CMTM7: variants seen among roughly 807,000 people sequenced by gnomAD.
CMTM7 encodes CKLF-like MARVEL transmembrane domain-containing protein 7.
CMTM7 carries 7 observed loss-of-function variants against 19.3 expected under a neutral mutation model. That is an observed-to-expected ratio of 0.36 (90% confidence interval 0.21 to 0.68). The LOEUF (loss-of-function observed/expected upper bound fraction) is 0.68, where lower values mean the gene tolerates loss of function less well. Ranked by LOEUF, CMTM7 falls within the 30% of genes least tolerant of loss-of-function variation. The pLI is 0.60. For missense variants in CMTM7, 193 were observed against 232.6 expected (o/e 0.83, Z 1.11); for synonymous variants, 87 against 99.3 (o/e 0.88, Z 0.74).
chr3:32,403,379 C>G (rs1188245937), intron 1 of CMTM7, among the ~76,000 whole-genome samples: 1 of 152,100 alleles, frequency 6.6e-6, no homozygotes, highest in African/African-American at 2.4e-5. Flanking sequence ...GGCCACCACG[C>G]CTGTCTAATT....
intron 1 of CMTM7, among the ~76,000 whole-genome samples, chr3:32,433,025 T>C (rs1696544015): frequency 6.6e-6 from 1 of 152,208 alleles, no homozygotes; most frequent in Non-Finnish European, 1.5e-5. Flanking sequence ...GAAAATGCTC[T>C]TTTTGCAGTC....
intron 1 of CMTM7, among the ~76,000 whole-genome samples, chr3:32,432,982 G>C (rs1027676698): frequency 1.3e-5 from 2 of 152,132 alleles, no homozygotes; most frequent in African/African-American, 4.8e-5. Context: ...AAAGAATTAT[G>C]TCCTCCTGTA....
intron 2 of CMTM7, among the ~76,000 whole-genome samples, chr3:32,448,624 A>G (rs1696786161): frequency 6.6e-6 from 1 of 152,194 alleles, no homozygotes; most frequent in Non-Finnish European, 1.5e-5. Flanking sequence ...AGGGCCTGCA[A>G]GGATGCTGAT....
intron 1 of CMTM7, among the ~76,000 whole-genome samples, chr3:32,418,800 C>G (rs942459211): frequency 2.0e-5 from 3 of 152,198 alleles, no homozygotes; most frequent in African/African-American, 7.2e-5. Context: ...ATTACTGTAA[C>G]TTAATAGTAA....
chr3:32,448,429 A>C (rs1696783069), intron 2 of CMTM7, among the ~76,000 whole-genome samples: 1 of 152,278 alleles, frequency 6.6e-6, no homozygotes, highest in Non-Finnish European at 1.5e-5. Flanking sequence ...CCTAAGGGGC[A>C]GAACTTCATG....
In CMTM7 at chr3:32,407,576, G is replaced by C. The variant is rs537581055; in HGVS notation, c.159+15511G>C. Among the ~76,000 whole-genome samples the C allele has an allele frequency of 3.9e-5, 6 of 152,274 alleles. No homozygotes were observed. The South Asian group carries it at 1.2e-3, about 32-fold the overall frequency. ...TTTGATTTCTGGAGTGGGGGCCTTC[G>C]TGACACATACTGTTTTCACCTGGGA... On this transcript the variant is annotated intron_variant, in intron 1 of 4. Transcript: ENST00000334983.
In CMTM7 at chr3:32,433,910, G is replaced by C. The variant is rs188946469; in HGVS notation, c.160-7930G>C. Among the ~76,000 whole-genome samples the C allele has an allele frequency of 5.9e-5, 9 of 152,288 alleles. No homozygotes were observed. In the East Asian group the frequency reaches 1.5e-3, roughly 26 times the overall value. ...CATCTACAAAAATAAATCCCAGGCT[G>C]GGCGCAGTGGCTCACACCTATAATT... On this transcript the variant is annotated intron_variant, in intron 1 of 4. Coordinates refer to ENST00000334983, the MANE Select transcript of CMTM7 (RefSeq NM_138410.4).
At chr3:32,425,056 C>T (rs1312848894) in intron 1 of CMTM7, among the ~76,000 whole-genome samples, 1 of 152,148 alleles carries the variant, frequency 6.6e-6, no homozygotes, top group African/African-American at 2.4e-5. Context: ...ACCTTGCAGC[C>T]AGATGGAAAG....
In CMTM7 at chr3:32,391,947, G is replaced by C. The variant is rs1235488010; in HGVS notation, c.41G>C (p.Ser14Thr). 1.6e-6 allele frequency: 2 copies of C among 1,229,544 alleles called. No individual in the cohort carries two copies. Among genetic ancestry groups the C allele is most frequent in the African/African-American group, 3.1e-5 (2 of 64,142 alleles). The allele number at this position is 1,229,544 out of a possible 1,614,324, so 76.2% of individuals were successfully genotyped here. The change falls in exon 1 of 5, where the codon AGC (serine) becomes ACC (threonine). Residue 14 changes from serine (S) to threonine (T), a missense_variant. Physicochemically the swap from Ser to Thr is moderately conservative, Grantham distance 58. Coordinates refer to ENST00000334983, the MANE Select transcript of CMTM7 (RefSeq NM_138410.4). ...GAGLVRTTCS[S>T]GSALGPGAGA... is the part of the protein sequence containing the mutation. Reference sequence around the variant, plus strand: ...GGGCTCGTCCGCACCACGTGCAGCAGCGGCAGCGCGCTCGGACCCGGGGCC... The same window carrying C: ...GGGCTCGTCCGCACCACGTGCAGCACCGGCAGCGCGCTCGGACCCGGGGCC...
chr3:32,401,377 C>T (rs887940120), intron 1 of CMTM7, among the ~76,000 whole-genome samples: 2 of 152,194 alleles, frequency 1.3e-5, no homozygotes, highest in Non-Finnish European at 2.9e-5. Context: ...AATACCAGCC[C>T]AAAGTCCTCC....
chr3:32,403,645 C>G (rs1696043765), intron 1 of CMTM7, among the ~76,000 whole-genome samples: 1 of 152,134 alleles, frequency 6.6e-6, no homozygotes, highest in African/African-American at 2.4e-5. Context: ...GGATTTGGGG[C>G]CAGGTGGTCC....
At chr3:32,413,810 G>A (rs1696216126) in intron 1 of CMTM7, among the ~76,000 whole-genome samples, 1 of 152,074 alleles carries the variant, frequency 6.6e-6, no homozygotes, top group African/African-American at 2.4e-5. Context: ...AACAGTTGCA[G>A]TGGCCATACT....
At position 32,449,734 on chromosome 3, in the gene CMTM7, G is replaced by T. The variant is rs1017520879; in HGVS notation, c.432+182G>T. On this transcript the variant is annotated intron_variant, in intron 3 of 4. Transcript: ENST00000334983. The surrounding 1 kb of genome is among the most constrained non-coding windows in gnomAD (Gnocchi z 4.5). Reference sequence around the variant, plus strand: ...AAGCAGAGGCGTACAGTCCCAGAAGGTGGATTGTCAGGGCTGCCAGCAAAT... The same window carrying T: ...AAGCAGAGGCGTACAGTCCCAGAAGTTGGATTGTCAGGGCTGCCAGCAAAT... Among the ~76,000 whole-genome samples, 1 of 152,142 alleles carries T rather than the reference G, an allele frequency of 6.6e-6. No individual in the cohort carries two copies. The highest frequency in any genetic ancestry group is 1.5e-5 in the Non-Finnish European group (1 of 68,022).
chr3:32,424,059 C>T (rs758582434), intron 1 of CMTM7, among the ~76,000 whole-genome samples: 22 of 152,252 alleles, frequency 1.4e-4, no homozygotes, highest in Non-Finnish European at 2.2e-4. Flanking sequence ...TTCTGCAGGT[C>T]GGGAATCCAG....
At position 32,455,442 on chromosome 3, in the gene CMTM7, C is replaced by T. The variant is rs1273030203; in HGVS notation, c.*1188C>T. On this transcript the variant is annotated 3_prime_UTR_variant, in exon 5 of 5. Transcript: ENST00000334983. The stretch of plus-strand genomic sequence containing the variant: ...GAGTGTTGCCGGAAATGGAAGCAGC[C>T]CCTGTGGGCTTTGAGCTGGAGCTCT... 1.3e-5 allele frequency: 2 copies of T among 152,354 alleles called. No homozygotes were observed. The highest frequency in any genetic ancestry group is 6.5e-5 in the Admixed American group (1 of 15,278). The allele number at this position is 152,354 out of a possible 1,614,324, so 9.4% of individuals were successfully genotyped here.
At chr3:32,431,215 C>T (rs768486429) in intron 1 of CMTM7, among the ~76,000 whole-genome samples, 4 of 152,092 alleles carry the variant, frequency 2.6e-5, no homozygotes, top group Non-Finnish European at 4.4e-5. Flanking sequence ...ACAGTATGAT[C>T]CCGTTTTTGA....
chr3:32,398,247 T>C (rs1695948046), intron 1 of CMTM7, among the ~76,000 whole-genome samples: 1 of 152,248 alleles, frequency 6.6e-6, no homozygotes, highest in Non-Finnish European at 1.5e-5. Context: ...ATACAGCTAT[T>C]AACAGGATAG....
chr3:32,452,785 C>T (rs1178408409), intron 4 of CMTM7, among the ~76,000 whole-genome samples: 1 of 149,234 alleles, frequency 6.7e-6, no homozygotes, highest in African/African-American at 2.5e-5. Flanking sequence ...TTGGGTTTTG[C>T]CCTGTTGTCC....
chr3:32,415,925 G>A (rs534487410), intron 1 of CMTM7, among the ~76,000 whole-genome samples: 25 of 152,286 alleles, frequency 1.6e-4, no homozygotes, highest in Middle Eastern at 3.4e-3. Context: ...CTTTGTCCAA[G>A]GTTTCTCAGA....
Sources: allele counts gnomAD v4.1 joint callset (sites outside exome capture counted in the v4.1 genomes callset), GRCh38; gene constraint gnomAD v4.1.1; non-coding constraint Gnocchi (gnomAD v3.1); transcripts MANE v1.5; gene names NCBI Gene and HGNC (gene_info 2026-07-23, HGNC 2026-07-21).